Variants in DRC5 observed in about 807,000 individuals in gnomAD.
DRC5 encodes dynein regulatory complex subunit 5.
At chr6:44,295,988 T>C in the DRC5 span, among the ~76,000 whole-genome samples, 1 of 152,256 alleles carries the variant, frequency 6.6e-6, no homozygotes, top group Non-Finnish European at 1.5e-5. Context: ...AGATGCTAGA[T>C]ACCTTACTAC....
the DRC5 span, among the ~76,000 whole-genome samples, chr6:44,291,832 CT>C: frequency 1.3e-5 from 2 of 152,168 alleles, no homozygotes; most frequent in African/African-American, 4.8e-5. Context: ...GGGATGCTGC[CT>C]AGGTCCCTCA....
At chr6:44,289,090 T>G in the DRC5 span, among the ~76,000 whole-genome samples, 200 of 120,920 alleles carry the variant, frequency 1.7e-3, 1 homozygote, top group African/African-American at 6.3e-3. Context: ...CAGGCTGGAG[T>G]GCAATGGCGC....
chr6:44,295,726 A>G, the DRC5 span, among the ~76,000 whole-genome samples: 1 of 152,214 alleles, frequency 6.6e-6, no homozygotes, highest in East Asian at 1.9e-4. Flanking sequence ...GAGGCAGGAC[A>G]GCAGCTGGCT....
the DRC5 span, among the ~76,000 whole-genome samples, chr6:44,294,761 A>C: frequency 0.89 from 118,877 of 134,002 alleles, 53,966 homozygotes; most frequent in East Asian, 1. Context: ...AATGAGAGCA[A>C]AACTCTGTCT....
At chr6:44,297,393 C>T in the DRC5 span, among the ~76,000 whole-genome samples, 1 of 152,238 alleles carries the variant, frequency 6.6e-6, no homozygotes. Flanking sequence ...CACTCGGATC[C>T]CCAGCCCCGG....
At chr6:44,295,318 T>G in the DRC5 span, among the ~76,000 whole-genome samples, 1 of 152,128 alleles carries the variant, frequency 6.6e-6, no homozygotes, top group Non-Finnish European at 1.5e-5. Flanking sequence ...TGGGGACACG[T>G]GCAGTGGACT....
At chr6:44,290,378 T>C in the DRC5 span, among the ~76,000 whole-genome samples, 30 of 152,300 alleles carry the variant, frequency 2.0e-4, 3 homozygotes, top group South Asian at 6.2e-3. Flanking sequence ...TTGATCATTG[T>C]AAAGCATACA....
chr6:44,278,747 C>A, the DRC5 span: 1 of 152,294 alleles, frequency 6.6e-6, no homozygotes, highest in Non-Finnish European at 1.5e-5. Context: ...GGTCTATTTT[C>A]TTGGTAGCTT....
At chr6:44,289,698 A>T in the DRC5 span, among the ~76,000 whole-genome samples, 1 of 152,210 alleles carries the variant, frequency 6.6e-6, no homozygotes, top group East Asian at 1.9e-4. Context: ...CAAGCGTGGG[A>T]GGCGAGAAGA....
chr6:44,281,684 C>T, the DRC5 span, among the ~76,000 whole-genome samples: 21 of 152,304 alleles, frequency 1.4e-4, no homozygotes, highest in East Asian at 1.4e-3. Context: ...TGTGCCTGGT[C>T]GTAAATTGCA....
chr6:44,283,097 C>T, the DRC5 span, among the ~76,000 whole-genome samples: 11 of 151,940 alleles, frequency 7.2e-5, no homozygotes, highest in African/African-American at 2.2e-4. Context: ...CCACCGCGCC[C>T]GGCCGCTTGG....
At chr6:44,281,050 CG>C in the DRC5 span, among the ~76,000 whole-genome samples, 1 of 152,048 alleles carries the variant, frequency 6.6e-6, no homozygotes, top group Non-Finnish European at 1.5e-5. Context: ...CGCGCATGCA[CG>C]TGTGTGTGCG....
At chr6:44,292,786 C>A in the DRC5 span, among the ~76,000 whole-genome samples, 233 of 152,258 alleles carry the variant, frequency 1.5e-3, 1 homozygote, top group Admixed American at 2.7e-3. Context: ...TCCACACGTA[C>A]AAGGTCTGTT....
chr6:44,286,335 G>A, the DRC5 span: 1 of 1,613,688 alleles, frequency 6.2e-7, no homozygotes, highest in African/African-American at 1.3e-5. Context: ...TTCTCCAGGT[G>A]CCGCTCGAAG....
At chr6:44,280,117 A>G in the DRC5 span, 1 of 1,427,900 alleles carries the variant, frequency 7.0e-7, no homozygotes, top group Non-Finnish European at 9.8e-7. Flanking sequence ...GATACTCTGC[A>G]GCAGGCATGG....
chr6:44,287,453 G>A, the DRC5 span: 3 of 1,303,854 alleles, frequency 2.3e-6, no homozygotes, highest in Admixed American at 4.4e-5. Context: ...GGCTGCCCCA[G>A]GACCCAGCTT....
chr6:44,282,215 G>T, the DRC5 span: 1 of 1,614,192 alleles, frequency 6.2e-7, no homozygotes, highest in South Asian at 1.1e-5. Flanking sequence ...CATTGCCACC[G>T]AGGTGCAGCG....
At chr6:44,282,398 C>A in the DRC5 span, 2 of 1,614,144 alleles carry the variant, frequency 1.2e-6, no homozygotes, top group Admixed American at 3.3e-5. Flanking sequence ...TGAGCACACG[C>A]AGGCGGCTGT....
the DRC5 span, among the ~76,000 whole-genome samples, chr6:44,284,869 C>T: frequency 6.6e-6 from 1 of 152,226 alleles, no homozygotes; most frequent in Admixed American, 6.5e-5. Context: ...GCTGCCCTGC[C>T]CAGGCCATCC....
Sources: gnomAD v4.1 joint callset for allele counts (sites outside exome capture counted in the v4.1 genomes callset) on GRCh38, gnomAD v4.1.1 for gene constraint, MANE v1.5 for transcripts, NCBI Gene and HGNC (gene_info 2026-07-23, HGNC 2026-07-21) for gene names.